DCAF10: variants seen among roughly 807,000 people sequenced by gnomAD.
DCAF10 encodes the protein DDB1- and CUL4-associated factor 10.
A neutral mutation model predicts 51.9 loss-of-function variants in DCAF10; 19 were observed. That is an observed-to-expected ratio of 0.37 (90% CI 0.26 to 0.54). DCAF10 has a LOEUF of 0.54. DCAF10 is among the 20% of genes least tolerant of loss of function. The probability of loss-of-function intolerance (pLI) is 0.87; values close to 1 mark genes in which losing one functional copy is unlikely to be tolerated. For synonymous variants in DCAF10, 291 were observed against 297.1 expected (o/e 0.98, Z 0.21); for missense variants, 510 against 730.6 (o/e 0.70, Z 3.48).
intron 3 of DCAF10, among the ~76,000 whole-genome samples, chr9:37,850,868 A>T (rs1321218740): frequency 1.2e-5 from 1 of 82,052 alleles, no homozygotes. Context: ...ATATATATAT[A>T]TATATATATA....
At chr9:37,822,991 A>G (rs1829751431) in intron 2 of DCAF10, among the ~76,000 whole-genome samples, 1 of 152,078 alleles carries the variant, frequency 6.6e-6, no homozygotes, top group Non-Finnish European at 1.5e-5. Flanking sequence ...AAAAGAAATT[A>G]TGTAGTTGGT....
At chr9:37,843,432 G>C (rs73646110) in intron 3 of DCAF10, among the ~76,000 whole-genome samples, 1,616 of 152,172 alleles carry the variant, frequency 0.011, 25 homozygotes, top group African/African-American at 0.037. Flanking sequence ...GTTATCTTTA[G>C]ACAAAGACAA....
chr9:37,844,515 G>C (rs973069793), intron 3 of DCAF10, among the ~76,000 whole-genome samples: 1 of 152,208 alleles, frequency 6.6e-6, no homozygotes, highest in African/African-American at 2.4e-5. Flanking sequence ...GCCAGGCGTG[G>C]TGGCTGGCAC....
chr9:37,834,064 C>T (rs1589097806), intron 2 of DCAF10, among the ~76,000 whole-genome samples: 2 of 152,050 alleles, frequency 1.3e-5, no homozygotes, highest in Admixed American at 1.3e-4. Context: ...GTCAGCCTCC[C>T]GAGTAGCTGA....
At chr9:37,859,850 C>T (rs916429385) in intron 5 of DCAF10, among the ~76,000 whole-genome samples, 198 bp from the exon 6 acceptor site, 1 of 151,998 alleles carries the variant, frequency 6.6e-6, no homozygotes, top group Non-Finnish European at 1.5e-5. Flanking sequence ...CTATTTATAC[C>T]CTTTCCCCAC....
intron 3 of DCAF10, among the ~76,000 whole-genome samples, chr9:37,845,372 AAATAACT>A (rs1830445600): frequency 6.6e-6 from 1 of 152,186 alleles, no homozygotes; most frequent in Non-Finnish European, 1.5e-5. Flanking sequence ...AAAAAGACAT[AAATAACT>A]AATATCAGCA....
At chr9:37,814,127 T>TATATATATATATATA (rs1554685262) in intron 1 of DCAF10, among the ~76,000 whole-genome samples, 5 of 100,650 alleles carry the variant, frequency 5.0e-5, no homozygotes, top group Non-Finnish European at 7.9e-5. Flanking sequence ...TATATATATA[T>TATATATATATATATA]TTGTTGTTGT....
intron 2 of DCAF10, among the ~76,000 whole-genome samples, chr9:37,826,575 A>C (rs988314741): frequency 6.6e-6 from 1 of 152,140 alleles, no homozygotes; most frequent in African/African-American, 2.4e-5. Context: ...GGTGTGGTGT[A>C]TGTACGTGGG....
At position 37,800,879 on chromosome 9, in the gene DCAF10, G is replaced by T. The variant is rs769496050; in HGVS notation, c.13G>T (p.Gly5Trp). MFPFGPHSPGGDGSA... is the reference protein window; with the variant it reads MFPFWPHSPGGDGSA... ...GGGGGCGTTGATCATGTTTCCCTTTGGGCCCCATAGCCCTGGAGGGGACGG... is the reference window on the plus strand; with the variant it reads ...GGGGGCGTTGATCATGTTTCCCTTTTGGCCCCATAGCCCTGGAGGGGACGG... The change falls in exon 1 of 7, where the codon GGG (glycine) becomes TGG (tryptophan). Residue 5 changes from glycine to tryptophan, a missense_variant. By Grantham distance (184) the Gly-to-Trp change is radical. Transcript: ENST00000377724. 1.3e-6 allele frequency: 2 copies of T among 1,496,202 alleles called. No homozygotes were observed. Among genetic ancestry groups the T allele is most frequent in the Admixed American group, 4.5e-5 (2 of 44,866 alleles). The allele number at this position is 1,496,202 out of a possible 1,614,324, so 92.7% of individuals were successfully genotyped here.
chr9:37,861,366 A>T lies in DCAF10; in HGVS notation c.1538A>T (p.Lys513Ile), dbSNP rs764892910. Residue 513 changes from lysine (K) to isoleucine (I), a missense_variant, in exon 7 of 7, where the codon AAA becomes ATA. Lys to Ile is a moderately radical substitution (Grantham distance 102). Coordinates refer to ENST00000377724, the MANE Select transcript of DCAF10 (RefSeq NM_024345.5). This position sits in a 1 kb window ranked among gnomAD's most constrained non-coding sequence, Gnocchi z 4.9. ...QCSELVDCLP[K>I]EASPLRVIRS... ...AGTGAACTTGTTGACTGCTTGCCCAAAGAAGCCAGTCCCCTGCGGGTGATC... is the reference window on the plus strand; with the variant it reads ...AGTGAACTTGTTGACTGCTTGCCCATAGAAGCCAGTCCCCTGCGGGTGATC... 1.2e-6 allele frequency: 2 copies of T among 1,614,194 alleles called. No individual in the cohort carries two copies. Among genetic ancestry groups the T allele is most frequent in the Non-Finnish European group, 1.7e-6 (2 of 1,180,032 alleles).
intron 1 of DCAF10, among the ~76,000 whole-genome samples, chr9:37,807,274 G>T (rs1829141910): frequency 6.6e-6 from 1 of 152,156 alleles, no homozygotes; most frequent in Non-Finnish European, 1.5e-5. Context: ...TTGAGCTCGA[G>T]TTCAAGACCA....
rs1347572071 is a variant in DCAF10 at position 37,866,208 on chromosome 9, G to A, written c.*4700G>A. 13 of 152,566 alleles carry A rather than the reference G, an allele frequency of 8.5e-5. 1 individual carries two copies. The highest frequency in any genetic ancestry group is 2.9e-5 in the Non-Finnish European group (2 of 68,020). The allele number at this position is 152,566 out of a possible 1,614,324, so 9.5% of individuals were successfully genotyped here. A position where few individuals can be genotyped will look rare whatever the true frequency, so the allele number is the denominator to read the frequency against. On this transcript the variant is annotated 3_prime_UTR_variant, in exon 7 of 7. Transcript: ENST00000377724. The stretch of plus-strand genomic sequence containing the variant: ...TCTCAAGTGCCAACATTTAAAACTT[G>A]TAATTATTTTTGATGTGAGTATTTC...
At chr9:37,800,753 G>C, upstream of DCAF10, 1 of 1,533,112 alleles carries the variant, frequency 6.5e-7, no homozygotes, top group African/African-American at 1.4e-5. Flanking sequence ...GGGCGGCGCG[G>C]GTTTCCAGCC....
At chr9:37,858,353 A>G (rs1830912744) in intron 5 of DCAF10, 1 of 152,246 alleles carries the variant, frequency 6.6e-6, no homozygotes, top group African/African-American at 2.4e-5. Flanking sequence ...TAACACAAAC[A>G]TCTTTTGCAG....
chr9:37,851,568 G>GTGGA (rs1425645454), intron 3 of DCAF10, among the ~76,000 whole-genome samples: 1 of 151,570 alleles, frequency 6.6e-6, no homozygotes, highest in Non-Finnish European at 1.5e-5. Context: ...GCCGAGGCGG[G>GTGGA]TGGATCACTT....
chr9:37,858,802 A>G (rs1298484761), intron 5 of DCAF10, among the ~76,000 whole-genome samples: 1 of 152,222 alleles, frequency 6.6e-6, no homozygotes, highest in Non-Finnish European at 1.5e-5. Flanking sequence ...TCTATTTTTG[A>G]CATGAAATCT....
In DCAF10 at chr9:37,801,142, C is replaced by T; in HGVS notation, c.276C>T (p.Ser92=). The T allele has an allele frequency of 1.3e-6, 2 of 1,537,640 alleles. No homozygotes were observed. Among genetic ancestry groups the T allele is most frequent in the Non-Finnish European group, 1.7e-6 (2 of 1,144,254 alleles). The part of the protein sequence containing the change: ...ASAPGEPSPP[S]PPCRRPGPDC... ...CCCCGGGAGAGCCGTCACCTCCCTC[C>T]CCTCCGTGCCGGCGGCCCGGGCCAG... The change falls in exon 1 of 7, where the codon TCC becomes TCT. Residue 92 remains serine (S), a synonymous_variant. Coordinates refer to ENST00000377724, the MANE Select transcript of DCAF10 (RefSeq NM_024345.5). The surrounding 1 kb of genome is among the most constrained non-coding windows in gnomAD (Gnocchi z 5.5).
At position 37,861,315 on chromosome 9, in the gene DCAF10, G is replaced by T; in HGVS notation, c.1487G>T (p.Arg496Leu). 6.2e-7 allele frequency: 1 copy of T among 1,614,188 alleles called. No individual in the cohort carries two copies. Among genetic ancestry groups the T allele is most frequent in the Non-Finnish European group, 8.5e-7 (1 of 1,180,034 alleles). Reference protein sequence around the residue: ...MISSPHGYGIRLLGFDKQCSE... With the variant: ...MISSPHGYGILLLGFDKQCSE... The stretch of plus-strand genomic sequence containing the variant: ...TCTTCCCCACATGGCTATGGGATTC[G>T]CTTGTTGGGATTTGACAAACAGTGC... The change falls in exon 7 of 7, where the codon CGC becomes CTC. Residue 496 changes from arginine (R) to leucine (L), a missense_variant. Transcript: ENST00000377724. The surrounding 1 kb of genome is among the most constrained non-coding windows in gnomAD (Gnocchi z 4.9).
At chr9:37,841,393 G>C (rs1331930360) in intron 2 of DCAF10, among the ~76,000 whole-genome samples, 2 of 152,166 alleles carry the variant, frequency 1.3e-5, no homozygotes, top group Non-Finnish European at 2.9e-5. Context: ...AAAAATTCAA[G>C]TGTGAATAGT....
Sources: allele counts gnomAD v4.1 joint callset (sites outside exome capture counted in the v4.1 genomes callset), GRCh38; gene constraint gnomAD v4.1.1; non-coding constraint Gnocchi (gnomAD v3.1); transcripts MANE v1.5; gene names NCBI Gene and HGNC (gene_info 2026-07-23, HGNC 2026-07-21).